Variants in GTF2A2 observed in about 807,000 individuals in gnomAD.
The protein encoded by GTF2A2 is transcription initiation factor IIA subunit 2.
Under a neutral mutation model 14.3 loss-of-function variants are expected in GTF2A2, and 9 were observed. The observed-to-expected ratio is 0.63, with a 90% CI of 0.38 to 1.10. The LOEUF (loss-of-function observed/expected upper bound fraction) is 1.10, where lower values mean the gene tolerates loss of function less well. GTF2A2 is among the 50% of genes least tolerant of loss of function. The pLI is 0.01. For synonymous variants in GTF2A2, 56 were observed against 46.0 expected, an observed-to-expected ratio of 1.22 and a Z score of -0.88; for missense variants, 90 against 124.6, an observed-to-expected ratio of 0.72 and a Z score of 1.32.
intron 2 of GTF2A2, chr15:59,651,323 GT>G (rs1891786083): frequency 6.6e-6 from 1 of 152,520 alleles, no homozygotes; most frequent in Admixed American, 6.5e-5. Context: ...GATTACAGAT[GT>G]GTGCCACCAC....
At chr15:59,647,291 G>A (rs1319240754) in intron 3 of GTF2A2, among the ~76,000 whole-genome samples, 1 of 152,008 alleles carries the variant, frequency 6.6e-6, no homozygotes, top group Non-Finnish European at 1.5e-5. Flanking sequence ...TAGGGACAGG[G>A]TTTCACTATA....
At position 59,639,139 on chromosome 15, in the gene GTF2A2, G is replaced by A. The variant is rs757718350; in HGVS notation, c.323C>T (p.Thr108Ile). Reference sequence around the variant, plus strand: ...AAGTCATATTTTTTCTATTCATTCTGTAGTATTGGAGCCAGTATCTAGGAA... The same window carrying A: ...AAGTCATATTTTTTCTATTCATTCTATAGTATTGGAGCCAGTATCTAGGAA... ...CDGKNTGSNTTE is the reference protein window; with the variant it reads ...CDGKNTGSNTIE The change falls in exon 5 of 5, where the codon ACA (threonine) becomes ATA (isoleucine). Residue 108 changes from threonine (T) to isoleucine (I), a missense_variant. By Grantham distance (89) the Thr-to-Ile change is moderately conservative. Transcript: ENST00000396060. The A allele has an allele frequency of 7.6e-6, 11 of 1,455,056 alleles. No individual in the cohort carries two copies. In the South Asian group the frequency reaches 1.0e-4, roughly 14 times the overall value. The allele number at this position is 1,455,056 out of a possible 1,614,324, so 90.1% of individuals were successfully genotyped here.
At chr15:59,644,889 G>A (rs141329987) in intron 3 of GTF2A2, among the ~76,000 whole-genome samples, 2 of 152,316 alleles carry the variant, frequency 1.3e-5, no homozygotes, top group East Asian at 3.9e-4. Flanking sequence ...AAGCATAAGA[G>A]TCTGATCAGA....
chr15:59,639,174 AAAGT>A lies in GTF2A2; in HGVS notation c.305-21_305-18del. 1.7e-6 allele frequency: 2 copies of A among 1,205,862 alleles called. No individual in the cohort carries two copies. Among genetic ancestry groups the A allele is most frequent in the South Asian group, 3.8e-5 (2 of 52,864 alleles). The allele number at this position is 1,205,862 out of a possible 1,614,324, so 74.7% of individuals were successfully genotyped here. On this transcript the variant is annotated intron_variant, in intron 4 of 4. Transcript: ENST00000396060. ...AGCCAGTATCTAGGAAACAAAAGAG[AAAGT>A]AAAGTAAAGTAAATTCAAGGAGCAA...
chr15:59,652,531 T>G (rs1336712457), intron 1 of GTF2A2, among the ~76,000 whole-genome samples: 1 of 152,204 alleles, frequency 6.6e-6, no homozygotes, highest in South Asian at 2.1e-4. Context: ...ACATGGGCAT[T>G]TATACTCCTT....
At chr15:59,642,111 T>C in intron 4 of GTF2A2, 25 bp downstream of exon 4, 1 of 1,584,332 alleles carries the variant, frequency 6.3e-7, no homozygotes, top group African/African-American at 1.4e-5. Flanking sequence ...CAAGTAGCTT[T>C]CACAGAAATA....
chr15:59,655,474 G>C (rs542513045), intron 1 of GTF2A2, among the ~76,000 whole-genome samples: 31 of 152,244 alleles, frequency 2.0e-4, no homozygotes, highest in Non-Finnish European at 3.7e-4. Context: ...CTCCTCTTTC[G>C]TACAGGATCT....
chr15:59,643,702 A>C (rs550770448), intron 3 of GTF2A2, among the ~76,000 whole-genome samples: 1 of 145,248 alleles, frequency 6.9e-6, no homozygotes, highest in Non-Finnish European at 1.5e-5. Context: ...GGTTCTAGCT[A>C]TTCTCCTGTC....
chr15:59,640,404 A>G (rs1891372152), intron 4 of GTF2A2, among the ~76,000 whole-genome samples: 2 of 152,082 alleles, frequency 1.3e-5, no homozygotes, highest in South Asian at 4.1e-4. Context: ...GTTCTCAGCT[A>G]TGGTTCAAAT....
chr15:59,642,335 A>C, intron 3 of GTF2A2, 73 bp from the exon 4 acceptor site: 1 of 1,312,176 alleles, frequency 7.6e-7, no homozygotes. Flanking sequence ...GCAATTTAAG[A>C]GATCTTAGCT....
chr15:59,642,046 C>G (rs148247017), intron 4 of GTF2A2, 90 bp downstream of exon 4: 2 of 1,160,448 alleles, frequency 1.7e-6, no homozygotes, highest in African/African-American at 3.1e-5. Context: ...CCATTTTACC[C>G]GTTAGGCTTT....
Position 59,639,084 on chromosome 15 carries a change from A to G in GTF2A2, c.*48T>C. ...AAGTCTCTTCTATGCTTCTCTTCAAAAGCAATGAATAACAGAAGATGGTGT... is the reference window on the plus strand; with the variant it reads ...AAGTCTCTTCTATGCTTCTCTTCAAGAGCAATGAATAACAGAAGATGGTGT... On this transcript the variant is annotated 3_prime_UTR_variant, in exon 5 of 5. Transcript: ENST00000396060. 1 of 1,090,190 alleles carries G rather than the reference A, an allele frequency of 9.2e-7. No homozygotes were observed. Among genetic ancestry groups the G allele is most frequent in the Non-Finnish European group, 1.4e-6 (1 of 705,584 alleles). 67.5% of individuals were successfully genotyped at this position (1,090,190 alleles called of 1,614,324 possible).
rs1891261398 is a variant in GTF2A2, at chr15:59,638,548, CTAAGAAGGAAAGT to C, written c.*571_*583del. 6.6e-6 allele frequency: 1 copy of C among 152,158 alleles called. No individual in the cohort carries two copies. The highest frequency in any genetic ancestry group is 1.5e-5 in the Non-Finnish European group (1 of 68,152). 9.4% of individuals were successfully genotyped at this position (152,158 alleles called of 1,614,324 possible). A position where few individuals can be genotyped will look rare whatever the true frequency, so the allele number is the denominator to read the frequency against. ...TTCCCCCTTCCTCATGTTACCTGGT[CTAAGAAGGAAAGT>C]TTTTTGGTTTTGTTTTTGCTATGAT... On this transcript the variant is annotated 3_prime_UTR_variant, in exon 5 of 5. Coordinates refer to ENST00000396060, the MANE Select transcript of GTF2A2 (RefSeq NM_004492.3).
chr15:59,648,401 CAA>C (rs71425875), intron 3 of GTF2A2, among the ~76,000 whole-genome samples: 1 of 90,570 alleles, frequency 1.1e-5, no homozygotes, highest in Non-Finnish European at 2.0e-5. Flanking sequence ...GACTTCGTCT[CAA>C]AAAAAAAAAA....
intron 3 of GTF2A2, 76 bp downstream of exon 3, chr15:59,650,593 T>G (rs1211119556): frequency 3.6e-5 from 28 of 785,446 alleles, no homozygotes; most frequent in Admixed American, 2.2e-5. Flanking sequence ...TTAATAAATA[T>G]GTAGGGGTCC....
chr15:59,639,554 G>A (rs370041351), intron 4 of GTF2A2, among the ~76,000 whole-genome samples: 17 of 147,986 alleles, frequency 1.1e-4, no homozygotes, highest in African/African-American at 4.0e-4. Flanking sequence ...TCTGCCCCCC[G>A]GGGGTTCACG....
rs112687995 is a variant in GTF2A2, at chr15:59,647,827, C to T, written c.177+2842G>A. On this transcript the variant is annotated intron_variant, in intron 3 of 4. Transcript: ENST00000396060. ...TCAAGTGATCTGCCCACCTTGACCT[C>T]CCAAAGTGCTGGGGTTACAGGCATG... Among the ~76,000 whole-genome samples, 333 of 152,224 alleles carry T rather than the reference C, an allele frequency of 2.2e-3. 1 individual carries two copies. Among genetic ancestry groups the T allele is most frequent in the African/African-American group, 7.6e-3 (316 of 41,532 alleles).
At chr15:59,642,303 T>G in intron 3 of GTF2A2, 41 bp from the exon 4 acceptor site, 1 of 1,541,220 alleles carries the variant, frequency 6.5e-7, no homozygotes, top group Non-Finnish European at 8.8e-7. Flanking sequence ...AAACGTTTTT[T>G]CCCCTCACAT....
chr15:59,645,714 G>C (rs1244460902), intron 3 of GTF2A2, among the ~76,000 whole-genome samples: 1 of 152,142 alleles, frequency 6.6e-6, no homozygotes, highest in Non-Finnish European at 1.5e-5. Context: ...GCATCCTGAA[G>C]TTGTGTGTAA....
Sources: gnomAD v4.1 joint callset for allele counts (sites outside exome capture counted in the v4.1 genomes callset) on GRCh38, gnomAD v4.1.1 for gene constraint, MANE v1.5 for transcripts, NCBI Gene and HGNC (gene_info 2026-07-23, HGNC 2026-07-21) for gene names.